Variants in SORBS2 observed in about 807,000 individuals in gnomAD.
SORBS2 encodes the protein sorbin and SH3 domain-containing protein 2.
In SORBS2, 46 loss-of-function variants were observed where a neutral mutation model predicts 97.7. That is an observed-to-expected ratio of 0.47 (90% CI 0.37 to 0.60). SORBS2 has a LOEUF of 0.60. Among genes scored for constraint, SORBS2 ranks in the 20% least tolerant of loss-of-function variants. The pLI, the probability that SORBS2 is intolerant of heterozygous loss-of-function variation, is 0.00. For synonymous variants in SORBS2, 476 were observed against 473.4 expected, an observed-to-expected ratio of 1.01 and a Z score of -0.07; for missense variants, 1,316 against 1,282.3, an observed-to-expected ratio of 1.03 and a Z score of -0.40.
At chr4:185,900,907 T>A (rs2099247407) in intron 1 of SORBS2, among the ~76,000 whole-genome samples, 1 of 152,198 alleles carries the variant, frequency 6.6e-6, no homozygotes, top group Non-Finnish European at 1.5e-5. Context: ...GCAGTGCAAT[T>A]ATCAAGTTGT....
chr4:185,700,403 T>C (rs1583019088), intron 2 of SORBS2, among the ~76,000 whole-genome samples: 2 of 151,802 alleles, frequency 1.3e-5, no homozygotes, highest in African/African-American at 4.8e-5. Flanking sequence ...CTATGGTGAG[T>C]TTCCAGGTGA....
At chr4:185,602,095 C>T (rs2096275349) in intron 12 of SORBS2, among the ~76,000 whole-genome samples, 1 of 151,766 alleles carries the variant, frequency 6.6e-6, no homozygotes, top group Non-Finnish European at 1.5e-5. Flanking sequence ...ACTGCAACCT[C>T]TGCCTCCCGG....
At chr4:185,950,217 A>T (rs1213131656) in intron 1 of SORBS2, among the ~76,000 whole-genome samples, 1 of 150,258 alleles carries the variant, frequency 6.7e-6, no homozygotes, top group Non-Finnish European at 1.5e-5. Flanking sequence ...GTGCCATTGC[A>T]CTCCACCCTG....
chr4:185,804,796 T>C lies in SORBS2; in HGVS notation c.-337-29430A>G, dbSNP rs140875475. Among the ~76,000 whole-genome samples the C allele has an allele frequency of 9.9e-3, 1,504 of 152,172 alleles. 20 individuals carry two copies. Among genetic ancestry groups the C allele is most frequent in the Non-Finnish European group, 0.013 (873 of 67,992 alleles). ...AGTTGACTGAATACTAGTTAATAGGTTTCTATTGTTTTCTTGAGTTAAATC... is the reference window on the plus strand; with the variant it reads ...AGTTGACTGAATACTAGTTAATAGGCTTCTATTGTTTTCTTGAGTTAAATC... On this transcript the variant is annotated intron_variant, in intron 1 of 20. Transcript: ENST00000284776.
At chr4:185,868,467 CT>C (rs199838862) in intron 1 of SORBS2, among the ~76,000 whole-genome samples, 5,801 of 152,012 alleles carry the variant, frequency 0.038, 355 homozygotes, top group African/African-American at 0.13. Flanking sequence ...AAAGCTTCTA[CT>C]TTCTAAAAGA....
At chr4:185,803,762 G>A (rs1046838303) in intron 1 of SORBS2, among the ~76,000 whole-genome samples, 16 of 152,006 alleles carry the variant, frequency 1.1e-4, no homozygotes, top group East Asian at 1.9e-4. Flanking sequence ...TGATATAATC[G>A]GATTTCAGAA....
chr4:185,726,539 T>A (rs1267745421), intron 2 of SORBS2, among the ~76,000 whole-genome samples: 1 of 152,008 alleles, frequency 6.6e-6, no homozygotes, highest in East Asian at 1.9e-4. Context: ...CAATGCTTAC[T>A]TTGTATAAGC....
chr4:185,947,580 C>T (rs1315673990), intron 1 of SORBS2, among the ~76,000 whole-genome samples: 1 of 151,402 alleles, frequency 6.6e-6, no homozygotes, highest in East Asian at 1.9e-4. Flanking sequence ...CTCACCTACA[C>T]AATAGGGATT....
chr4:185,954,497 G>T (rs1424011433), intron 1 of SORBS2, among the ~76,000 whole-genome samples: 1 of 152,014 alleles, frequency 6.6e-6, no homozygotes, highest in Non-Finnish European at 1.5e-5. Flanking sequence ...AATATTTTGA[G>T]AAACAAAATC....
chr4:185,762,537 T>C lies in SORBS2; in HGVS notation c.-198+12690A>G, dbSNP rs73873367. Among the ~76,000 whole-genome samples the C allele has an allele frequency of 6.1e-3, 919 of 149,984 alleles. 16 individuals are homozygous for C. The highest frequency in any genetic ancestry group is 0.021 in the African/African-American group (876 of 40,942). On this transcript the variant is annotated intron_variant, in intron 2 of 20. Coordinates refer to the SORBS2 transcript ENST00000284776. Reference sequence around the variant, plus strand: ...TGTAAGTGGAATTCAGAAGATGTAATCAGAGAGACTGAAGGTAAATCAGAA... The same window carrying C: ...TGTAAGTGGAATTCAGAAGATGTAACCAGAGAGACTGAAGGTAAATCAGAA...
chr4:185,738,633 G>T (rs1359542558), intron 2 of SORBS2, among the ~76,000 whole-genome samples: 2 of 152,090 alleles, frequency 1.3e-5, no homozygotes, highest in African/African-American at 2.4e-5. Context: ...ATTTTTCTGG[G>T]TTATAAAAAT....
rs567089573 is a variant in SORBS2, at chr4:185,870,692, G to A, written c.-338+85504C>T. 3.3e-5 allele frequency among the ~76,000 whole-genome samples: 5 copies of A among 152,318 alleles called. No individual in the cohort carries two copies. The East Asian group carries it at 5.8e-4, about 18-fold the overall frequency. On this transcript the variant is annotated intron_variant, in intron 1 of 20. Coordinates refer to the SORBS2 transcript ENST00000284776. ...AGTGCGCAGGTCGTGAGGGCTGCCC[G>A]GTGAATCCTGGGACTGGGCCTTGGG...
At chr4:185,952,412 G>A (rs2099277638) in intron 1 of SORBS2, among the ~76,000 whole-genome samples, 1 of 152,238 alleles carries the variant, frequency 6.6e-6, no homozygotes, top group Non-Finnish European at 1.5e-5. Context: ...GGGCCAGTAG[G>A]TAGAGGTCAC....
At chr4:185,649,784 A>G in intron 2 of SORBS2, 128 bp from the exon 12 acceptor site, 1 of 474,882 alleles carries the variant, frequency 2.1e-6, no homozygotes, top group South Asian at 9.4e-5. Flanking sequence ...AAGCATATTC[A>G]TAATGCATAC....
chr4:185,859,263 C>A (rs1409006137), intron 1 of SORBS2, among the ~76,000 whole-genome samples: 1 of 152,114 alleles, frequency 6.6e-6, no homozygotes, highest in Non-Finnish European at 1.5e-5. Flanking sequence ...TCTTGGGATT[C>A]CTTAGGGTAG....
chr4:185,683,102 A>G (rs2097898057), intron 2 of SORBS2, among the ~76,000 whole-genome samples: 2 of 152,148 alleles, frequency 1.3e-5, no homozygotes, highest in South Asian at 2.1e-4. Context: ...TTTTTAAACA[A>G]TTATGTCCAA....
intron 9 of SORBS2, among the ~76,000 whole-genome samples, chr4:185,615,910 T>C (rs975850692): frequency 2.6e-5 from 4 of 152,238 alleles, no homozygotes; most frequent in African/African-American, 9.6e-5. Flanking sequence ...TTTGGGTATT[T>C]ATAATTTTAA....
Position 185,606,664 on chromosome 4 carries a change from C to G in SORBS2, c.2796+5116G>C. 2.0e-6 allele frequency: 2 copies of G among 985,198 alleles called. No homozygotes were observed. The highest frequency in any genetic ancestry group is 2.4e-6 in the Non-Finnish European group (2 of 829,884). 61.0% of individuals were successfully genotyped at this position (985,198 alleles called of 1,614,324 possible). ...GGGGGTGGCTATGGGGTGTTTTAGG[C>G]AGTTGGGTTTCTCCTCCTCCTCCTC... On this transcript the variant is annotated intron_variant, in intron 12 of 14. Transcript: ENST00000418609. The surrounding 1 kb of genome is among the most constrained non-coding windows in gnomAD (Gnocchi z 4.3).
chr4:185,833,188 T>A (rs139266367), intron 1 of SORBS2, among the ~76,000 whole-genome samples: 20 of 152,340 alleles, frequency 1.3e-4, no homozygotes, highest in Non-Finnish European at 2.4e-4. Context: ...CATCTGACTA[T>A]AACTACCATG....
Sources: allele counts gnomAD v4.1 joint callset (sites outside exome capture counted in the v4.1 genomes callset), GRCh38; gene constraint gnomAD v4.1.1; non-coding constraint Gnocchi (gnomAD v3.1); transcripts MANE v1.5; gene names NCBI Gene and HGNC (gene_info 2026-07-23, HGNC 2026-07-21).